The following PLOD3 variants were observed in gnomAD, a reference collection of about 807,000 sequenced individuals.
PLOD3 encodes the protein multifunctional procollagen lysine hydroxylase and glycosyltransferase LH3.
A neutral mutation model predicts 96.9 loss-of-function variants in PLOD3; 73 were observed. The ratio of observed to expected loss-of-function variants is 0.75; its 90% CI spans 0.62 to 0.92. PLOD3 has a LOEUF of 0.92. PLOD3 is among the 40% of genes least tolerant of loss of function. The pLI, the probability that PLOD3 is intolerant of heterozygous loss-of-function variation, is 0.00. For synonymous variants in PLOD3, 454 were observed against 413.7 expected (o/e 1.10, Z -1.18); for missense variants, 1,004 against 1,004.3 (o/e 1.00, Z 0.00).
chr7:101,206,409 C>A lies in PLOD3; in HGVS notation c.2089G>T (p.Asp697Tyr). Residue 697 changes from aspartate to tyrosine, a missense_variant, in exon 19 of 19, where the codon GAC becomes TAC. Physicochemically the swap from Asp to Tyr is radical, Grantham distance 160. This residue lies in a region of PLOD3 where 222 missense variants were observed against 220.4 expected (regional missense o/e 1.01). Coordinates refer to ENST00000223127, the MANE Select transcript of PLOD3 (RefSeq NM_001084.5). ...EGGGCRFLRY[D>Y]CVISSPRKGW... ...TTCCTCGGGGAGGAGATCACACAGT[C>A]GTAGCGCAGGAAGCGGCAGCCACCT... The A allele has an allele frequency of 3.1e-6, 5 of 1,612,722 alleles. No individual in the cohort carries two copies. The highest frequency in any genetic ancestry group is 4.2e-6 in the Non-Finnish European group (5 of 1,179,502).
At chr7:101,207,164 C>A (rs563094929) in intron 17 of PLOD3, among the ~76,000 whole-genome samples, 2 of 151,982 alleles carry the variant, frequency 1.3e-5, no homozygotes, top group Non-Finnish European at 2.9e-5. Flanking sequence ...TTAGTAGAGA[C>A]GAGGTTTCAC....
chr7:101,215,969 T>C lies in PLOD3; in HGVS notation c.554A>G (p.Tyr185Cys). Reference protein sequence around the residue: ...TIHQIVRQWKYKDDDDDQLFY... With the variant: ...TIHQIVRQWKCKDDDDDQLFY... ...CAGCTGGTCGTCGTCATCATCCTTG[T>C]ACTTCCACTGGCGCACGATTTGGTG... The change falls in exon 5 of 19, where the codon TAC (tyrosine) becomes TGC (cysteine). Residue 185 changes from tyrosine (Y) to cysteine (C), a missense_variant. Transcript: ENST00000223127. 6.2e-7 allele frequency: 1 copy of C among 1,613,206 alleles called. No homozygotes were observed. Among genetic ancestry groups the C allele is most frequent in the Non-Finnish European group, 8.5e-7 (1 of 1,179,702 alleles).
chr7:101,210,005 A>G, intron 15 of PLOD3, 88 bp downstream of exon 15: 2 of 577,186 alleles, frequency 3.5e-6, no homozygotes. Context: ...TGGGGAACTC[A>G]GTGTGAAAAC....
intron 6 of PLOD3, 150 bp from the exon 7 acceptor site, chr7:101,213,354 T>C (rs1313237998): frequency 1.4e-6 from 1 of 700,092 alleles, no homozygotes; most frequent in Non-Finnish European, 2.6e-6. Flanking sequence ...CAGGAACCTT[T>C]GGGTTCTGAC....
intron 6 of PLOD3, chr7:101,213,543 G>A: frequency 3.3e-6 from 1 of 300,236 alleles, no homozygotes; most frequent in Admixed American, 4.6e-5. Context: ...TTGAGATGGA[G>A]TCTCACTCTG....
In PLOD3 at chr7:101,206,101, TC is replaced by T. The variant is rs754266131; in HGVS notation, c.*179del. On this transcript the variant is annotated 3_prime_UTR_variant, in exon 19 of 19. Transcript: ENST00000223127. The stretch of plus-strand genomic sequence containing the variant: ...GTGGGCGGAGGAGAGAGGCGGGGAC[TC>T]CGGGAGCTTCCTGAGAGGGCCGTGT... The T allele has an allele frequency of 2.7e-4, 196 of 715,172 alleles. No homozygotes were observed. The highest frequency in any genetic ancestry group is 4.4e-4 in the Non-Finnish European group (178 of 403,300). 44.3% of individuals were successfully genotyped at this position (715,172 alleles called of 1,614,324 possible). A position where few individuals can be genotyped will look rare whatever the true frequency, so the allele number is the denominator to read the frequency against.
At chr7:101,207,935 C>T (rs1054747459) in intron 16 of PLOD3, among the ~76,000 whole-genome samples, 4 of 152,170 alleles carry the variant, frequency 2.6e-5, no homozygotes, top group African/African-American at 9.7e-5. Context: ...GCTCCCTACT[C>T]CTCCCAAGTC....
intron 6 of PLOD3, among the ~76,000 whole-genome samples, chr7:101,214,036 T>C (rs936811974): frequency 2.0e-5 from 3 of 152,042 alleles, no homozygotes; most frequent in Non-Finnish European, 4.4e-5. Context: ...GGTTTCACTA[T>C]GTCAGCCAGG....
At chr7:101,208,553 AT>A (rs2116796780) in intron 16 of PLOD3, 1 of 376,936 alleles carries the variant, frequency 2.7e-6, no homozygotes, top group East Asian at 6.5e-5. Context: ...AACTCGGCTA[AT>A]TTTTAAATTT....
rs202176617 is a variant in PLOD3, at chr7:101,210,377, G to A, written c.1568C>T (p.Thr523Met). ...GRLLATSRYD[T>M]EHLHPDLWQI... ...CCAGAGGTCGGGGTGCAGGTGCTCC[G>A]TGTCGTATCTGGAAGTGGCCAGGAG... The change falls in exon 14 of 19, where the codon ACG (threonine) becomes ATG (methionine). Residue 523 changes from threonine to methionine, a missense_variant. This residue lies in a region of PLOD3 where 65 missense variants were observed against 68.8 expected (regional missense o/e 0.94). Transcript: ENST00000223127. 68 of 1,614,188 alleles carry A rather than the reference G, an allele frequency of 4.2e-5. No homozygotes were observed. Among genetic ancestry groups the A allele is most frequent in the East Asian group, 3.8e-4 (17 of 44,882 alleles).
Position 101,214,625 on chromosome 7 carries a change from G to C in PLOD3, c.679+464C>G, listed in dbSNP as rs1798239468. On this transcript the variant is annotated intron_variant, in intron 6 of 18. Coordinates refer to ENST00000223127, the MANE Select transcript of PLOD3 (RefSeq NM_001084.5). ...GGTTGAGGCAGGCGGATCACCTGAG[G>C]TTGGGAGTTCGAGACTAGCCTGGCC... is the stretch of plus-strand genomic sequence containing the variant. 5.3e-5 allele frequency among the ~76,000 whole-genome samples: 8 copies of C among 152,106 alleles called. No homozygotes were observed. The South Asian group carries it at 1.7e-3, about 32-fold the overall frequency.
At position 101,213,170 on chromosome 7, in the gene PLOD3, C is replaced by G; in HGVS notation, c.714G>C (p.Val238=). 4 of 1,613,820 alleles carry G rather than the reference C, an allele frequency of 2.5e-6. No individual in the cohort carries two copies. The highest frequency in any genetic ancestry group is 3.4e-6 in the Non-Finnish European group (4 of 1,179,758). Reference sequence around the variant, plus strand: ...TGTCGTAGGCCACGTTCCGGATACGCACACGGTTCCGATCAAACTTTAAAA... The same window carrying G: ...TGTCGTAGGCCACGTTCCGGATACGGACACGGTTCCGATCAAACTTTAAAA... ...EVVLKFDRNR[V]RIRNVAYDTL... The change falls in exon 7 of 19, where the codon GTG becomes GTC. Residue 238 remains valine (V), a synonymous_variant. Transcript: ENST00000223127.
chr7:101,208,510 G>C (rs1332741717), intron 16 of PLOD3: 1 of 353,960 alleles, frequency 2.8e-6, no homozygotes, highest in Non-Finnish European at 5.6e-6. Context: ...CAAAGTGCTG[G>C]GATTACAGGC....
intron 18 of PLOD3, 97 bp downstream of exon 18, chr7:101,206,682 G>A: frequency 7.3e-7 from 1 of 1,370,550 alleles, no homozygotes; most frequent in Non-Finnish European, 1.0e-6. Context: ...CTGGGAAATG[G>A]GCAGGGAGGG....
chr7:101,217,284 C>A lies in PLOD3; in HGVS notation c.-10G>T. 1 of 1,453,440 alleles carries A rather than the reference C, an allele frequency of 6.9e-7. No individual in the cohort carries two copies. Among genetic ancestry groups the A allele is most frequent in the South Asian group, 1.4e-5 (1 of 71,306 alleles). 90.0% of individuals were successfully genotyped at this position (1,453,440 alleles called of 1,614,324 possible). On this transcript the variant is annotated 5_prime_UTR_variant, in exon 1 of 19. Coordinates refer to ENST00000223127, the MANE Select transcript of PLOD3 (RefSeq NM_001084.5). ...GCCCCGAGGAGGTCATGGTGGGGAGCGGGCCCAGACAGCACCCAGGATCCT... is the reference window on the plus strand; with the variant it reads ...GCCCCGAGGAGGTCATGGTGGGGAGAGGGCCCAGACAGCACCCAGGATCCT...
Position 101,210,640 on chromosome 7 carries a change from G to T in PLOD3, c.1392C>A (p.Ala464=), listed in dbSNP as rs1224053494. 6.2e-7 allele frequency: 1 copy of T among 1,614,130 alleles called. No homozygotes were observed. Among genetic ancestry groups the T allele is most frequent in the Non-Finnish European group, 8.5e-7 (1 of 1,180,026 alleles). Residue 464 remains alanine (A), a synonymous_variant, in exon 13 of 19, where the codon GCC becomes GCA. Coordinates refer to ENST00000223127, the MANE Select transcript of PLOD3 (RefSeq NM_001084.5). ...GCAGGGTATCACCCCGGATCACATA[G>T]GCCTGGGAGATGTATGGTACATTCC... The part of the protein sequence containing the change: ...GVWNVPYISQ[A]YVIRGDTLRM...
At chr7:101,213,421 T>C in intron 6 of PLOD3, 1 of 596,178 alleles carries the variant, frequency 1.7e-6, no homozygotes. Context: ...ACACCGCAGC[T>C]GGGCGAGGAA....
At position 101,206,094 on chromosome 7, in the gene PLOD3, C is replaced by A; in HGVS notation, c.*187G>T. On this transcript the variant is annotated 3_prime_UTR_variant, in exon 19 of 19. Transcript: ENST00000223127. ...AACCCCTGTGGGCGGAGGAGAGAGG[C>A]GGGGACTCCGGGAGCTTCCTGAGAG... 1.5e-6 allele frequency: 1 copy of A among 685,124 alleles called. No individual in the cohort carries two copies. Among genetic ancestry groups the A allele is most frequent in the Admixed American group, 2.1e-5 (1 of 47,286 alleles). 42.4% of individuals were successfully genotyped at this position (685,124 alleles called of 1,614,324 possible).
At chr7:101,209,169 C>G (rs1295682288) in intron 15 of PLOD3, among the ~76,000 whole-genome samples, 1 of 149,782 alleles carries the variant, frequency 6.7e-6, no homozygotes, top group African/African-American at 2.4e-5. Flanking sequence ...GCCCCTCGTG[C>G]TGGGACAGTG....
Sources: gnomAD v4.1 joint callset for allele counts (sites outside exome capture counted in the v4.1 genomes callset) on GRCh38, gnomAD v4.1.1 for gene constraint, gnomAD v4.1.1 regional missense constraint, MANE v1.5 for transcripts, NCBI Gene and HGNC (gene_info 2026-07-23, HGNC 2026-07-21) for gene names.